Variants in GABRB1 observed in about 807,000 individuals in gnomAD.
The protein encoded by GABRB1 is gamma-aminobutyric acid type A receptor subunit beta1.
Under a neutral mutation model 51.6 loss-of-function variants are expected in GABRB1, and 17 were observed. That is an observed-to-expected ratio of 0.33 (90% CI 0.23 to 0.49). The LOEUF (loss-of-function observed/expected upper bound fraction) is 0.49. GABRB1 is among the 20% of genes least tolerant of loss of function. GABRB1 has a pLI of 0.99. For missense variants in GABRB1, 410 were observed against 600.6 expected, an observed-to-expected ratio of 0.68 and a Z score of 3.32; for synonymous variants, 247 against 218.9, an observed-to-expected ratio of 1.13 and a Z score of -1.14.
intron 4 of GABRB1, among the ~76,000 whole-genome samples, chr4:47,299,093 A>G (rs1350915661): frequency 6.6e-6 from 1 of 151,484 alleles, no homozygotes; most frequent in African/African-American, 2.4e-5. Flanking sequence ...TTAATTCAAG[A>G]TGGATTAAAG....
intron 5 of GABRB1, among the ~76,000 whole-genome samples, chr4:47,342,015 T>G (rs1725918829): frequency 6.6e-6 from 1 of 152,164 alleles, no homozygotes; most frequent in Admixed American, 6.6e-5. Flanking sequence ...CCTGTGAAGC[T>G]CAATAGCATT....
intron 4 of GABRB1, among the ~76,000 whole-genome samples, chr4:47,288,840 G>T (rs1259847962): frequency 6.6e-6 from 1 of 152,182 alleles, no homozygotes; most frequent in Non-Finnish European, 1.5e-5. Flanking sequence ...ACAGCTGATG[G>T]AGCCTGGCTA....
intron 3 of GABRB1, among the ~76,000 whole-genome samples, chr4:47,064,758 AC>A (rs1727002777): frequency 1.3e-5 from 2 of 152,102 alleles, no homozygotes; most frequent in South Asian, 4.1e-4. Context: ...GGATGACAGC[AC>A]CATGACTGAA....
intron 4 of GABRB1, among the ~76,000 whole-genome samples, chr4:47,243,976 A>T (rs1323553529): frequency 6.6e-6 from 1 of 152,138 alleles, no homozygotes; most frequent in Non-Finnish European, 1.5e-5. Flanking sequence ...TTCAAAGGGA[A>T]TGCTTCCAGT....
At chr4:47,333,074 T>C (rs906641344) in intron 5 of GABRB1, among the ~76,000 whole-genome samples, 2 of 147,382 alleles carry the variant, frequency 1.4e-5, no homozygotes, top group African/African-American at 4.9e-5. Context: ...ATTTTTAAAA[T>C]TCATATATAT....
At chr4:47,005,452 G>T (rs941651033) in intron 1 of GABRB1, among the ~76,000 whole-genome samples, 2 of 151,896 alleles carry the variant, frequency 1.3e-5, no homozygotes, top group Non-Finnish European at 2.9e-5. Context: ...ACTGTTCTTG[G>T]TGAGGAAGTG....
At chr4:47,079,743 C>A (rs898803027) in intron 3 of GABRB1, among the ~76,000 whole-genome samples, 3 of 149,426 alleles carry the variant, frequency 2.0e-5, no homozygotes, top group African/African-American at 7.4e-5. Context: ...CAAACTATCG[C>A]AAGGACAAAA....
intron 5 of GABRB1, among the ~76,000 whole-genome samples, chr4:47,350,414 G>A (rs1236838096): frequency 6.6e-6 from 1 of 151,354 alleles, no homozygotes; most frequent in Non-Finnish European, 1.5e-5. Context: ...CCCCTATAAT[G>A]CAGTAGAAAT....
At chr4:47,386,897 A>G (rs1346134587) in intron 5 of GABRB1, among the ~76,000 whole-genome samples, 1 of 152,222 alleles carries the variant, frequency 6.6e-6, no homozygotes, top group African/African-American at 2.4e-5. Context: ...ATAGGCTGCA[A>G]AATCAATCAA....
intron 4 of GABRB1, among the ~76,000 whole-genome samples, chr4:47,243,198 A>G (rs2109851587): frequency 6.6e-6 from 1 of 152,136 alleles, no homozygotes; most frequent in South Asian, 2.1e-4. Flanking sequence ...ATGGTTGTAG[A>G]TGTGTGGTAT....
At chr4:47,135,839 A>G (rs1418098109) in intron 3 of GABRB1, among the ~76,000 whole-genome samples, 7 of 152,150 alleles carry the variant, frequency 4.6e-5, no homozygotes, top group African/African-American at 1.7e-4. Flanking sequence ...CATATTTACT[A>G]TTTGAAATTC....
At chr4:47,147,396 G>T (rs1297693000) in intron 3 of GABRB1, among the ~76,000 whole-genome samples, 2 of 151,838 alleles carry the variant, frequency 1.3e-5, no homozygotes, top group African/African-American at 2.4e-5. Flanking sequence ...TTTCTTAACT[G>T]GGATGTCTAT....
At chr4:47,170,274 AGAC>A (rs1229827583) in intron 4 of GABRB1, among the ~76,000 whole-genome samples, 2 of 36,974 alleles carry the variant, frequency 5.4e-5, no homozygotes, top group African/African-American at 2.6e-4. Flanking sequence ...TGTAAAAGAA[AGAC>A]GAGTTTTTCA....
At chr4:47,118,013 C>T (rs2109642043) in intron 3 of GABRB1, among the ~76,000 whole-genome samples, 1 of 152,090 alleles carries the variant, frequency 6.6e-6, no homozygotes, top group Middle Eastern at 3.4e-3. Context: ...TATTCAGCAC[C>T]CAAAATAGAA....
rs71195611 is a variant in GABRB1, at chr4:47,172,631, C to CTT, written c.461+11189_461+11190dup. ...TCTTCTAGGACAAGTTTAGATTTAA[C>CTT]TTTTTTTTTTTTTTTTTTTTTTTTT... is the stretch of plus-strand genomic sequence containing the variant. On this transcript the variant is annotated intron_variant, in intron 4 of 8. Coordinates refer to ENST00000295454, the MANE Select transcript of GABRB1 (RefSeq NM_000812.4). Among the ~76,000 whole-genome samples, 28 of 65,800 alleles carry CTT rather than the reference C, an allele frequency of 4.3e-4. 1 individual carries two copies. The highest frequency in any genetic ancestry group is 7.2e-4 in the African/African-American group (11 of 15,322). 43.2% of individuals were successfully genotyped at this position (65,800 alleles called of 152,430 possible).
intron 3 of GABRB1, 61 bp downstream of exon 3, chr4:47,032,545 C>T: frequency 3.3e-6 from 5 of 1,501,544 alleles, no homozygotes; most frequent in African/African-American, 2.8e-5. Flanking sequence ...TGGACAGGTC[C>T]CTTTGCCCTC....
intron 3 of GABRB1, among the ~76,000 whole-genome samples, chr4:47,145,211 T>C (rs1186669476): frequency 2.6e-5 from 4 of 151,968 alleles, no homozygotes; most frequent in African/African-American, 9.7e-5. Flanking sequence ...TGAGCTAGAT[T>C]ATTGAAAACC....
chr4:47,287,917 T>C (rs1196909171), intron 4 of GABRB1, among the ~76,000 whole-genome samples: 2 of 152,176 alleles, frequency 1.3e-5, no homozygotes, highest in Non-Finnish European at 2.9e-5. Context: ...ACCTTGTAAA[T>C]GAGCTTGAGT....
In GABRB1 at chr4:47,339,088, A is replaced by G. The variant is rs1399757900; in HGVS notation, c.544+18879A>G. On this transcript the variant is annotated intron_variant, in intron 5 of 8. Coordinates refer to ENST00000295454, the MANE Select transcript of GABRB1 (RefSeq NM_000812.4). ...TGTCATGAACTATTCTAGGCAAAAC[A>G]AGCCCCAGCTCTAATGTACCTTATT... Among the ~76,000 whole-genome samples the G allele has an allele frequency of 2.6e-5, 4 of 152,196 alleles. No homozygotes were observed. The East Asian group carries it at 7.7e-4, about 29-fold the overall frequency.
Sources: gnomAD v4.1 joint callset for allele counts (sites outside exome capture counted in the v4.1 genomes callset) on GRCh38, gnomAD v4.1.1 for gene constraint, MANE v1.5 for transcripts, NCBI Gene and HGNC (gene_info 2026-07-23, HGNC 2026-07-21) for gene names.